The following KIF16B variants were observed in gnomAD, a reference collection of about 807,000 sequenced individuals.
KIF16B encodes the protein kinesin-like protein KIF16B.
Under a neutral mutation model 156.3 loss-of-function variants are expected in KIF16B, and 98 were observed. That is an observed-to-expected ratio of 0.63 (90% CI 0.53 to 0.74). The LOEUF (loss-of-function observed/expected upper bound fraction) is 0.74. Among genes scored for constraint, KIF16B ranks in the 30% least tolerant of loss-of-function variants. The pLI is 0.00. For missense variants in KIF16B, 1,421 were observed against 1,606.5 expected, an observed-to-expected ratio of 0.88 and a Z score of 1.97; for synonymous variants, 564 against 583.7, an observed-to-expected ratio of 0.97 and a Z score of 0.49.
intron 10 of KIF16B, among the ~76,000 whole-genome samples, chr20:16,500,845 G>A (rs999438011): frequency 2.0e-5 from 3 of 152,082 alleles, no homozygotes; most frequent in Non-Finnish European, 1.5e-5. Flanking sequence ...AGCTACAAGA[G>A]TGAGTAATTC....
intron 24 of KIF16B, among the ~76,000 whole-genome samples, chr20:16,319,706 G>A (rs1046223877): frequency 6.6e-6 from 1 of 152,178 alleles, no homozygotes; most frequent in Non-Finnish European, 1.5e-5. Context: ...GGCCAGTCTT[G>A]AGGAAGGTCT....
At chr20:16,431,942 A>G (rs1017895081) in intron 12 of KIF16B, among the ~76,000 whole-genome samples, 8 of 151,658 alleles carry the variant, frequency 5.3e-5, no homozygotes, top group Non-Finnish European at 1.2e-4. Flanking sequence ...ACACACACGC[A>G]CAAGTTTATT....
chr20:16,398,302 TA>T (rs759245961), intron 17 of KIF16B, among the ~76,000 whole-genome samples: 3 of 152,158 alleles, frequency 2.0e-5, no homozygotes, highest in Admixed American at 1.3e-4. Flanking sequence ...TGACTGAAAA[TA>T]ACATTGGAGA....
At chr20:16,437,248 A>G (rs1321139651) in intron 12 of KIF16B, among the ~76,000 whole-genome samples, 1 of 152,212 alleles carries the variant, frequency 6.6e-6, no homozygotes, top group Non-Finnish European at 1.5e-5. Flanking sequence ...AATATTTTCA[A>G]TCTATGGTTG....
At chr20:16,320,752 T>C (rs959122473) in intron 24 of KIF16B, among the ~76,000 whole-genome samples, 4 of 152,134 alleles carry the variant, frequency 2.6e-5, no homozygotes, top group Non-Finnish European at 4.4e-5. Flanking sequence ...AATGTAAAGA[T>C]CTCAGAATAT....
chr20:16,286,919 T>A (rs1471358083), intron 25 of KIF16B, among the ~76,000 whole-genome samples: 1 of 152,228 alleles, frequency 6.6e-6, no homozygotes, highest in Admixed American at 6.5e-5. Context: ...CATGGGTGAC[T>A]TGAGAGCCCC....
chr20:16,409,944 C>G, intron 15 of KIF16B, among the ~76,000 whole-genome samples: 1 of 85,776 alleles, frequency 1.2e-5, no homozygotes, highest in African/African-American at 5.2e-5. Flanking sequence ...TACCCACTTA[C>G]CTACATATAT....
intron 1 of KIF16B, among the ~76,000 whole-genome samples, chr20:16,539,599 G>C (rs1244111855): frequency 6.6e-6 from 1 of 152,012 alleles, no homozygotes; most frequent in Non-Finnish European, 1.5e-5. Context: ...GCCTGCTCCG[G>C]CTTTGCCTTC....
chr20:16,385,410 T>C (rs1440979016), intron 17 of KIF16B, among the ~76,000 whole-genome samples: 4 of 152,030 alleles, frequency 2.6e-5, no homozygotes, highest in Non-Finnish European at 5.9e-5. Flanking sequence ...GTCCAAGTCC[T>C]ATAGGGGGGC....
chr20:16,285,628 G>A (rs899361523), intron 25 of KIF16B, among the ~76,000 whole-genome samples: 3 of 152,166 alleles, frequency 2.0e-5, no homozygotes, highest in African/African-American at 7.2e-5. Context: ...ACCAGCCTGG[G>A]CAACATGCTG....
At chr20:16,548,269 C>T (rs6075069) in intron 1 of KIF16B, among the ~76,000 whole-genome samples, 20,277 of 152,132 alleles carry the variant, frequency 0.13, 1,659 homozygotes, top group South Asian at 0.19. Flanking sequence ...CTACAAGGTT[C>T]GGAGGATGGA....
At chr20:16,356,240 G>A in intron 23 of KIF16B, 90 bp downstream of exon 23, 1 of 1,509,722 alleles carries the variant, frequency 6.6e-7, no homozygotes, top group East Asian at 2.3e-5. Flanking sequence ...TTCACATGCA[G>A]CTTCATCCCC....
chr20:16,319,825 A>G (rs2063748848), intron 24 of KIF16B, among the ~76,000 whole-genome samples: 1 of 152,188 alleles, frequency 6.6e-6, no homozygotes. Flanking sequence ...GGGATTGAGC[A>G]GGGGAAGGAA....
intron 15 of KIF16B, among the ~76,000 whole-genome samples, chr20:16,425,183 T>C (rs1286293998): frequency 6.6e-6 from 1 of 152,048 alleles, no homozygotes; most frequent in East Asian, 1.9e-4. Flanking sequence ...AAGCACAAGA[T>C]GAGTCTGGAA....
intron 17 of KIF16B, among the ~76,000 whole-genome samples, chr20:16,385,268 T>C (rs191353860): frequency 3.2e-4 from 48 of 152,134 alleles, no homozygotes; most frequent in Admixed American, 2.8e-3. Context: ...TGTATTATCC[T>C]GGTGAGAGGA....
intron 11 of KIF16B, among the ~76,000 whole-genome samples, chr20:16,495,257 T>A (rs577864162): frequency 3.4e-4 from 52 of 152,264 alleles, no homozygotes; most frequent in Admixed American, 2.5e-3. Context: ...CCCATTAAAG[T>A]TACCTGGTCT....
intron 24 of KIF16B, among the ~76,000 whole-genome samples, chr20:16,318,892 C>T (rs1490152857): frequency 6.6e-6 from 1 of 152,138 alleles, no homozygotes; most frequent in African/African-American, 2.4e-5. Flanking sequence ...CCAAATAATA[C>T]AGTGTGGAAA....
At chr20:16,545,537 C>A (rs997125138) in intron 1 of KIF16B, among the ~76,000 whole-genome samples, 1 of 151,986 alleles carries the variant, frequency 6.6e-6, no homozygotes, top group Non-Finnish European at 1.5e-5. Flanking sequence ...TGGTGGCAAG[C>A]GCCTATAATC....
intron 15 of KIF16B, among the ~76,000 whole-genome samples, chr20:16,416,449 A>C (rs2066088873): frequency 6.6e-6 from 1 of 152,136 alleles, no homozygotes; most frequent in African/African-American, 2.4e-5. Flanking sequence ...TCTCTGAGCC[A>C]TTATTCTCAG....
Sources: allele counts gnomAD v4.1 joint callset (sites outside exome capture counted in the v4.1 genomes callset), GRCh38; gene constraint gnomAD v4.1.1; transcripts MANE v1.5; gene names NCBI Gene and HGNC (gene_info 2026-07-23, HGNC 2026-07-21).